SPTBN5: variants seen among roughly 807,000 people sequenced by gnomAD.
SPTBN5 encodes spectrin beta, non-erythrocytic 5.
In SPTBN5, 513 loss-of-function variants were observed where a neutral mutation model predicts 477.6. The ratio of observed to expected loss-of-function variants is 1.07; its 90% CI spans 1.00 to 1.16. SPTBN5 has a LOEUF of 1.16. SPTBN5 is among the 50% of genes most tolerant of loss of function. SPTBN5 has a pLI of 0.00. For synonymous variants in SPTBN5, 2,169 were observed against 2,011.7 expected, an observed-to-expected ratio of 1.08 and a Z score of -2.09; for missense variants, 5,062 against 4,731.8, an observed-to-expected ratio of 1.07 and a Z score of -2.05.
intron 43 of SPTBN5, 22 bp downstream of exon 43, chr15:41,862,517 G>A: frequency 6.3e-7 from 1 of 1,578,478 alleles, no homozygotes; most frequent in Non-Finnish European, 8.6e-7. Flanking sequence ...GGTCGGCGAG[G>A]GCAAGGCCTG....
intron 41 of SPTBN5, 113 bp from the exon 42 acceptor site, chr15:41,863,016 C>T: frequency 1.1e-6 from 1 of 950,414 alleles, no homozygotes; most frequent in Non-Finnish European, 1.6e-6. Context: ...AGCGTGATTT[C>T]CTGGCCCCGA....
intron 7 of SPTBN5, among the ~76,000 whole-genome samples, chr15:41,884,751 A>T (rs1451468696): frequency 6.6e-6 from 1 of 151,570 alleles, no homozygotes; most frequent in East Asian, 1.9e-4. Context: ...CTCCTTCCCT[A>T]CCTCGTCACC....
intron 28 of SPTBN5, 108 bp from the exon 29 acceptor site, chr15:41,871,628 G>A: frequency 7.1e-7 from 1 of 1,414,544 alleles, no homozygotes; most frequent in East Asian, 2.7e-5. Context: ...GGCTTGGATA[G>A]CCACGGCGTC....
In SPTBN5 at chr15:41,878,764, G is replaced by C. The variant is rs369627170; in HGVS notation, c.3183-135C>G. On this transcript the variant is annotated intron_variant, in intron 16 of 67. Coordinates refer to ENST00000320955, the MANE Select transcript of SPTBN5 (RefSeq NM_016642.4). ...CAATGCCCACCCCACCCTTGACCTG[G>C]GGGCAGCAAGAACATAGGGCTCGCC... 1.1e-5 allele frequency: 11 copies of C among 1,033,198 alleles called. No homozygotes were observed. The East Asian group carries it at 1.8e-4, about 17-fold the overall frequency. The allele number at this position is 1,033,198 out of a possible 1,614,324, so 64.0% of individuals were successfully genotyped here.
Position 41,858,943 on chromosome 15 carries a change from G to A in SPTBN5, c.8026C>T (p.His2676Tyr), listed in dbSNP as rs1222002071. Residue 2676 changes from histidine (H) to tyrosine (Y), a missense_variant, in exon 48 of 68, where the codon CAT (histidine) becomes TAT (tyrosine). Coordinates refer to ENST00000320955, the MANE Select transcript of SPTBN5 (RefSeq NM_016642.4). ...ALFRQAGTRR[H>Y]RLEELRQLQA... ...AGCTGCCGGAGCTCCTCCAGGCGAT[G>A]GCGGCGGGTCCCGGCTTGCCTGAAG... 8.8e-6 allele frequency: 14 copies of A among 1,593,242 alleles called. No homozygotes were observed. The highest frequency in any genetic ancestry group is 2.2e-5 in the South Asian group (2 of 89,034).
In SPTBN5 at chr15:41,866,476, C is replaced by A; in HGVS notation, c.6498G>T (p.Gln2166His). 2 of 1,581,746 alleles carry A rather than the reference C, an allele frequency of 1.3e-6. No individual in the cohort carries two copies. The change falls in exon 37 of 68, where the codon CAG becomes CAT. Residue 2166 changes from glutamine to histidine, a missense_variant. Gln to His is a conservative substitution (Grantham distance 24, BLOSUM62 0). Transcript: ENST00000320955. Reference sequence around the variant, plus strand: ...GCTCCTTCAGCTGCTGGGCCCACGCCTGGATCCAGTCCTCAGCCTGGTGGG... The same window carrying A: ...GCTCCTTCAGCTGCTGGGCCCACGCATGGATCCAGTCCTCAGCCTGGTGGG... ...QAATQAEDWIQAWAQQLKEPV... is the reference protein window; with the variant it reads ...QAATQAEDWIHAWAQQLKEPV...
Position 41,888,062 on chromosome 15 carries a change from G to C in SPTBN5, c.525C>G (p.Ala175=). 6.3e-7 allele frequency: 1 copy of C among 1,574,866 alleles called. No individual in the cohort carries two copies. The highest frequency in any genetic ancestry group is 8.6e-7 in the Non-Finnish European group (1 of 1,160,728). ...LDKEEFGASA[A]LLSTKEALLV... is the part of the protein sequence containing the mutation. ...GCAGGGCTTCCTTGGTGGACAGCAG[G>C]GCTGCGCTGGCCCCAAACTCCTCCT... The change falls in exon 5 of 68, where the codon GCC becomes GCG. Residue 175 remains alanine, a synonymous_variant. Coordinates refer to ENST00000320955, the MANE Select transcript of SPTBN5 (RefSeq NM_016642.4).
At chr15:41,856,627 A>T in intron 52 of SPTBN5, 29 bp from the exon 53 acceptor site, 2 of 1,541,434 alleles carry the variant, frequency 1.3e-6, no homozygotes, top group Non-Finnish European at 1.7e-6. Context: ...GAGGATGCGG[A>T]TGTTGCTGAC....
In SPTBN5 at chr15:41,850,933, G is replaced by A. The variant is rs749657881; in HGVS notation, c.10842C>T (p.Thr3614=). ...GRKHTFSLRL[T]SGAEILFAAP... ...CTGCAAACAGGATCTCTGCCCCACT[G>A]GTCAGCCTGGCACCCACAGTCACAG... Residue 3614 remains threonine, a synonymous_variant, in exon 66 of 68, where the codon ACC becomes ACT. Coordinates refer to ENST00000320955, the MANE Select transcript of SPTBN5 (RefSeq NM_016642.4). The A allele has an allele frequency of 1.9e-6, 3 of 1,573,390 alleles. No individual in the cohort carries two copies. The highest frequency in any genetic ancestry group is 2.6e-6 in the Non-Finnish European group (3 of 1,168,336).
At position 41,848,588 on chromosome 15, in the gene SPTBN5, G is replaced by A; in HGVS notation, c.*28C>T. The A allele has an allele frequency of 1.9e-6, 3 of 1,613,826 alleles. No individual in the cohort carries two copies. Among genetic ancestry groups the A allele is most frequent in the Non-Finnish European group, 1.7e-6 (2 of 1,179,738 alleles). On this transcript the variant is annotated 3_prime_UTR_variant, in exon 68 of 68. Transcript: ENST00000320955. ...TAGATGTGTCCTCGCTTGTGCCCCTGAAGTTTGGTGTTGCACTGGGGTTCA... is the reference window on the plus strand; with the variant it reads ...TAGATGTGTCCTCGCTTGTGCCCCTAAAGTTTGGTGTTGCACTGGGGTTCA...
Position 41,883,040 on chromosome 15 carries a change from T to A in SPTBN5, c.1848A>T (p.Thr616=), listed in dbSNP as rs767103042. The change falls in exon 9 of 68, where the codon ACA becomes ACT. Residue 616 remains threonine, a synonymous_variant. Coordinates refer to ENST00000320955, the MANE Select transcript of SPTBN5 (RefSeq NM_016642.4). ...CCAGGCTCTGTTGGAGCTGGGCCAG[T>A]GTCCTGGCCTTGGCCTGCAGCACCT... is the stretch of plus-strand genomic sequence containing the variant. ...SVEVLQAKAR[T]LAQLQQSLVA... 14 of 1,563,696 alleles carry A rather than the reference T, an allele frequency of 9.0e-6. No homozygotes were observed. The highest frequency in any genetic ancestry group is 1.1e-5 in the Non-Finnish European group (13 of 1,156,542).
chr15:41,856,521 A>AT lies in SPTBN5; in HGVS notation c.8885_8886insA (p.Gly2963TrpfsTer45). 1 of 1,601,278 alleles carries AT rather than the reference A, an allele frequency of 6.2e-7. No homozygotes were observed. The highest frequency in any genetic ancestry group is 8.5e-7 in the Non-Finnish European group (1 of 1,175,508). On this transcript the variant is annotated frameshift_variant, in exon 53 of 68. Transcript: ENST00000320955. LOFTEE classifies it high-confidence loss of function. ...CCACCTCGTGGGCGGCAAAGTGCCC[A>AT]GCCTGCACCAGCTTGTACCCAGTGC...
intron 3 of SPTBN5, among the ~76,000 whole-genome samples, chr15:41,890,570 A>C (rs1269032189): frequency 6.6e-6 from 1 of 152,242 alleles, no homozygotes; most frequent in South Asian, 2.1e-4. Flanking sequence ...CCCAACAGAC[A>C]ATAGCAACTG....
At chr15:41,872,153 A>C (rs1187653772) in intron 27 of SPTBN5, 149 bp downstream of exon 27, 1 of 1,149,230 alleles carries the variant, frequency 8.7e-7, no homozygotes, top group East Asian at 2.6e-5. Context: ...GAATTTATGG[A>C]AAGAGGTGAG....
chr15:41,879,622 C>A, intron 15 of SPTBN5, 112 bp downstream of exon 15: 2 of 1,571,516 alleles, frequency 1.3e-6, no homozygotes, highest in South Asian at 2.4e-5. Flanking sequence ...CTTCCCTGTG[C>A]CTCGGACACG....
At position 41,871,464 on chromosome 15, in the gene SPTBN5, C is replaced by T. The variant is rs765985477; in HGVS notation, c.5358G>A (p.Arg1786=). The stretch of plus-strand genomic sequence containing the variant: ...CCGCCAGCAGCCGGCAGGCGGCCAC[C>T]CGCTGGCTGCCCATCTCCACTTGGT... ...FQHQVEMGSQ[R]VAACRLLAES... Residue 1786 remains arginine, a synonymous_variant, in exon 29 of 68, where the codon CGG becomes CGA. Coordinates refer to ENST00000320955, the MANE Select transcript of SPTBN5 (RefSeq NM_016642.4). The T allele has an allele frequency of 3.9e-4, 605 of 1,538,150 alleles. 2 individuals are homozygous for T. Among genetic ancestry groups the T allele is most frequent in the Middle Eastern group, 5.0e-4 (3 of 5,966 alleles).
chr15:41,886,032 G>C lies in SPTBN5; in HGVS notation c.1223C>G (p.Ala408Gly). Residue 408 changes from alanine (A) to glycine (G), a missense_variant, in exon 7 of 68, where the codon GCT (alanine) becomes GGT (glycine). Transcript: ENST00000320955. ...CTGCTGCAGGGCCTGGCTCCTTGCA[G>C]CCTCTGCCCACTCCAGCCCTGCCCA... ...QCWAGLEWAE[A>G]ARSQALQQRL... is the part of the protein sequence containing the mutation. 1 of 1,563,312 alleles carries C rather than the reference G, an allele frequency of 6.4e-7. No homozygotes were observed. Among genetic ancestry groups the C allele is most frequent in the East Asian group, 2.3e-5 (1 of 43,188 alleles).
intron 39 of SPTBN5, 108 bp downstream of exon 39, chr15:41,865,685 GGGCATAGGAGGAGCA>G (rs2066275679): frequency 1.2e-6 from 1 of 860,012 alleles, no homozygotes. Flanking sequence ...GCCTGCCCGA[GGGCATAGGAGGAGCA>G]GGCATGGCGC....
Position 41,850,865 on chromosome 15 carries a change from C to G in SPTBN5, c.10910G>C (p.Gly3637Ala). Reference sequence around the variant, plus strand: ...CCCCTGAAGCCCACCTGCAGTGCTGCCCAGGGCTCGCCACCAGCTCTCAGC... The same window carrying G: ...CCCCTGAAGCCCACCTGCAGTGCTGGCCAGGGCTCGCCACCAGCTCTCAGC... Reference protein sequence around the residue: ...EQAESWWRALGSTAAQSLSPK... With the variant: ...EQAESWWRALASTAAQSLSPK... The change falls in exon 66 of 68, where the codon GGC becomes GCC. Residue 3637 changes from glycine to alanine, a missense_variant. Coordinates refer to ENST00000320955, the MANE Select transcript of SPTBN5 (RefSeq NM_016642.4). 6.3e-7 allele frequency: 1 copy of G among 1,598,364 alleles called. No homozygotes were observed. The highest frequency in any genetic ancestry group is 1.3e-5 in the African/African-American group (1 of 74,622).
Sources: gnomAD v4.1 joint callset for allele counts (sites outside exome capture counted in the v4.1 genomes callset) on GRCh38, gnomAD v4.1.1 for gene constraint, MANE v1.5 for transcripts, NCBI Gene and HGNC (gene_info 2026-07-23, HGNC 2026-07-21) for gene names.